Variants in CNTN6 observed in about 807,000 individuals in gnomAD.
CNTN6 encodes the protein contactin 6.
A neutral mutation model predicts 122.8 loss-of-function variants in CNTN6; 137 were observed. The ratio of observed to expected loss-of-function variants is 1.12; its 90% CI spans 0.97 to 1.29. The LOEUF is 1.29. Among genes scored for constraint, CNTN6 ranks in the 50% most tolerant of loss-of-function variants. The pLI is 0.00. For synonymous variants in CNTN6, 570 were observed against 426.0 expected, an observed-to-expected ratio of 1.34 and a Z score of -4.16; for missense variants, 1,634 against 1,223.4, an observed-to-expected ratio of 1.34 and a Z score of -5.01.
At chr3:1,212,844 A>G (rs1428604946) in intron 2 of CNTN6, among the ~76,000 whole-genome samples, 1 of 152,150 alleles carries the variant, frequency 6.6e-6, no homozygotes, top group Non-Finnish European at 1.5e-5. Flanking sequence ...CTAACAATTT[A>G]CCAAAAGATA....
intron 10 of CNTN6, among the ~76,000 whole-genome samples, chr3:1,329,077 A>G (rs116485781): frequency 0.022 from 3,306 of 151,498 alleles, 143 homozygotes; most frequent in African/African-American, 0.076. Context: ...TATAAATCAC[A>G]TATATATGTA....
intron 4 of CNTN6, among the ~76,000 whole-genome samples, chr3:1,235,656 C>G (rs2094411763): frequency 6.6e-6 from 1 of 152,140 alleles, no homozygotes; most frequent in African/African-American, 2.4e-5. Context: ...TCACATCATA[C>G]TTTGCCCCAG....
At chr3:1,325,000 C>G (rs1250377169) in intron 8 of CNTN6, among the ~76,000 whole-genome samples, 1 of 151,720 alleles carries the variant, frequency 6.6e-6, no homozygotes, top group Non-Finnish European at 1.5e-5. Flanking sequence ...AAGGACAGAA[C>G]TAAATAAAGG....
intron 12 of CNTN6, among the ~76,000 whole-genome samples, chr3:1,364,890 C>G (rs1707989328): frequency 6.6e-6 from 1 of 151,874 alleles, no homozygotes; most frequent in African/African-American, 2.4e-5. Flanking sequence ...TATATAATAA[C>G]TTTTAGCTCA....
At chr3:1,131,198 C>T (rs572521082) in intron 1 of CNTN6, among the ~76,000 whole-genome samples, 135 of 152,102 alleles carry the variant, frequency 8.9e-4, no homozygotes, top group African/African-American at 3.0e-3. Flanking sequence ...ACACCAAGCA[C>T]GATGATATTC....
intron 1 of CNTN6, among the ~76,000 whole-genome samples, chr3:1,122,779 C>T (rs1441552665): frequency 6.6e-6 from 1 of 151,800 alleles, no homozygotes; most frequent in East Asian, 1.9e-4. Flanking sequence ...TGTGTCAGAA[C>T]CTCATTGCTC....
chr3:1,316,099 G>A (rs1377426189), intron 7 of CNTN6, among the ~76,000 whole-genome samples: 1 of 151,868 alleles, frequency 6.6e-6, no homozygotes, highest in Non-Finnish European at 1.5e-5. Context: ...TTTAATAGGT[G>A]CTAGGCAGTA....
intron 5 of CNTN6, among the ~76,000 whole-genome samples, chr3:1,282,938 G>A (rs1575546928): frequency 6.6e-6 from 1 of 152,064 alleles, no homozygotes; most frequent in East Asian, 1.9e-4. Flanking sequence ...GGGTTCTAAG[G>A]TCATCCCTCA....
At position 1,404,039 on chromosome 3, in the gene CNTN6, T is replaced by C. The variant is rs953633582; in HGVS notation, c.*621T>C. On this transcript the variant is annotated 3_prime_UTR_variant, in exon 23 of 23. Transcript: ENST00000446702. ...GTATTTTATGGCAAAGAAAAATAAATGATGGGAAATGAGCACCCACCTAAA... is the reference window on the plus strand; with the variant it reads ...GTATTTTATGGCAAAGAAAAATAAACGATGGGAAATGAGCACCCACCTAAA... The C allele has an allele frequency of 2.0e-5, 3 of 152,050 alleles. No individual in the cohort carries two copies. The highest frequency in any genetic ancestry group is 7.2e-5 in the African/African-American group (3 of 41,424). The allele number at this position is 152,050 out of a possible 1,614,324, so 9.4% of individuals were successfully genotyped here. A position where few individuals can be genotyped will look rare whatever the true frequency, so the allele number is the denominator to read the frequency against.
chr3:1,388,256 T>A (rs1473401877), intron 20 of CNTN6, among the ~76,000 whole-genome samples: 1 of 149,176 alleles, frequency 6.7e-6, no homozygotes, highest in Non-Finnish European at 1.5e-5. Context: ...CCCTGACCCC[T>A]GACCCCCGAG....
chr3:1,387,706 C>T (rs1030324100), intron 20 of CNTN6, among the ~76,000 whole-genome samples: 2 of 152,168 alleles, frequency 1.3e-5, no homozygotes, highest in Admixed American at 1.3e-4. Context: ...TGGGTGAGCG[C>T]ACCGTGCGCA....
intron 7 of CNTN6, among the ~76,000 whole-genome samples, chr3:1,316,634 TATAA>T (rs1700134403): frequency 6.6e-6 from 1 of 151,866 alleles, no homozygotes; most frequent in Non-Finnish European, 1.5e-5. Context: ...GATTCTTGCT[TATAA>T]ATGTGCAACA....
chr3:1,265,969 A>G (rs1408179626), intron 4 of CNTN6, among the ~76,000 whole-genome samples: 2 of 152,138 alleles, frequency 1.3e-5, no homozygotes, highest in African/African-American at 4.8e-5. Flanking sequence ...CATTCATCAC[A>G]AATAGAACAA....
At chr3:1,100,466 C>A (rs1332264756) in intron 1 of CNTN6, among the ~76,000 whole-genome samples, 2 of 152,146 alleles carry the variant, frequency 1.3e-5, no homozygotes, top group Non-Finnish European at 2.9e-5. Context: ...TCTTCAAGTT[C>A]ACTGCAATGT....
chr3:1,398,514 G>A (rs1228800880), intron 20 of CNTN6, among the ~76,000 whole-genome samples: 1 of 152,068 alleles, frequency 6.6e-6, no homozygotes, highest in African/African-American at 2.4e-5. Context: ...TGAATCATTT[G>A]CAAACTTCAG....
chr3:1,136,277 A>G (rs1386535927), intron 1 of CNTN6, among the ~76,000 whole-genome samples: 3 of 152,186 alleles, frequency 2.0e-5, no homozygotes, highest in African/African-American at 7.2e-5. Flanking sequence ...CTCAAACTAC[A>G]TTGTTAGCTA....
intron 1 of CNTN6, among the ~76,000 whole-genome samples, chr3:1,116,816 T>A (rs1186912447): frequency 6.8e-6 from 1 of 147,942 alleles, no homozygotes; most frequent in Non-Finnish European, 1.5e-5. Context: ...GCGATTCTCA[T>A]AACTCAGTCT....
chr3:1,133,008 C>G (rs1402018987), intron 1 of CNTN6, among the ~76,000 whole-genome samples: 3 of 152,128 alleles, frequency 2.0e-5, no homozygotes, highest in Non-Finnish European at 2.9e-5. Context: ...CAATCACCCA[C>G]TCATTCATTG....
At chr3:1,218,851 GTTGTT>G (rs886816408) in intron 2 of CNTN6, among the ~76,000 whole-genome samples, 5 of 152,228 alleles carry the variant, frequency 3.3e-5, no homozygotes, top group East Asian at 3.9e-4. Flanking sequence ...AGGAAGCCAG[GTTGTT>G]TTGTTTTGTT....
Sources: allele counts gnomAD v4.1 joint callset (sites outside exome capture counted in the v4.1 genomes callset), GRCh38; gene constraint gnomAD v4.1.1; transcripts MANE v1.5; gene names NCBI Gene and HGNC (gene_info 2026-07-23, HGNC 2026-07-21).